GSG1L: variants seen among roughly 807,000 people sequenced by gnomAD.
GSG1L encodes the protein GSG1 like.
In GSG1L, 24 loss-of-function variants were observed where a neutral mutation model predicts 42.1. The ratio of observed to expected loss-of-function variants is 0.57; its 90% CI spans 0.41 to 0.80. The LOEUF is 0.80. GSG1L is among the 30% of genes least tolerant of loss of function. The pLI, the probability that GSG1L is intolerant of heterozygous loss-of-function variation, is 0.00. For synonymous variants in GSG1L, 215 were observed against 203.5 expected (o/e 1.06, Z -0.48); for missense variants, 445 against 472.2 (o/e 0.94, Z 0.53).
intron 6 of GSG1L, among the ~76,000 whole-genome samples, chr16:27,801,311 G>A (rs1257903082): frequency 1.3e-5 from 2 of 152,156 alleles, no homozygotes; most frequent in Admixed American, 1.3e-4. Flanking sequence ...AAGCTGATTT[G>A]CCTTACAGCA....
intron 2 of GSG1L, among the ~76,000 whole-genome samples, chr16:27,946,498 C>T (rs76633685): frequency 6.7e-6 from 1 of 148,862 alleles, no homozygotes; most frequent in African/African-American, 2.5e-5. Context: ...TGAGCCGAAA[C>T]TGTGCCATTG....
intron 1 of GSG1L, among the ~76,000 whole-genome samples, chr16:27,989,216 C>T (rs1200085097): frequency 1.3e-5 from 2 of 152,092 alleles, no homozygotes; most frequent in Non-Finnish European, 2.9e-5. Context: ...TTTGAGTTAT[C>T]ACTTTGGCTA....
At chr16:27,886,075 G>A (rs1209516505) in intron 2 of GSG1L, among the ~76,000 whole-genome samples, 1 of 152,172 alleles carries the variant, frequency 6.6e-6, no homozygotes, top group African/African-American at 2.4e-5. Flanking sequence ...CAGTCAGAGT[G>A]CCATGTCCCT....
chr16:27,846,988 CTA>C (rs1406644776), intron 3 of GSG1L, among the ~76,000 whole-genome samples: 1 of 151,706 alleles, frequency 6.6e-6, no homozygotes, highest in African/African-American at 2.4e-5. Context: ...TGAACCTTGC[CTA>C]TGTTTTCAAA....
chr16:27,883,544 C>T (rs2083988172), intron 3 of GSG1L, among the ~76,000 whole-genome samples: 1 of 152,190 alleles, frequency 6.6e-6, no homozygotes, highest in Non-Finnish European at 1.5e-5. Context: ...GTACATACCT[C>T]AATTAGGAGA....
intron 1 of GSG1L, among the ~76,000 whole-genome samples, chr16:27,987,171 C>T (rs1460700860): frequency 2.0e-5 from 3 of 149,290 alleles, no homozygotes; most frequent in South Asian, 2.1e-4. Flanking sequence ...GACCCAAGAT[C>T]GCACCACTGC....
intron 6 of GSG1L, among the ~76,000 whole-genome samples, chr16:27,795,103 G>A (rs2082803529): frequency 6.6e-6 from 1 of 152,036 alleles, no homozygotes; most frequent in South Asian, 2.1e-4. Flanking sequence ...TTATGAGCAG[G>A]GCCAGGGTCT....
chr16:27,870,365 G>A lies in GSG1L; in HGVS notation c.550+14121C>T, dbSNP rs147338180. On this transcript the variant is annotated intron_variant, in intron 3 of 6. Coordinates refer to ENST00000447459, the MANE Select transcript of GSG1L (RefSeq NM_001109763.2). ...GTCTCTCCTTCTGTCTCTCTGTCTC[G>A]TCCATCACTCTCTCTTTCTCTCTCT... Among the ~76,000 whole-genome samples the A allele has an allele frequency of 6.3e-4, 75 of 119,958 alleles. 3 individuals carry two copies. Among genetic ancestry groups the A allele is most frequent in the African/African-American group, 2.1e-3 (63 of 29,606 alleles). The allele number at this position is 119,958 out of a possible 152,430, so 78.7% of individuals were successfully genotyped here. A position where few individuals can be genotyped will look rare whatever the true frequency, so the allele number is the denominator to read the frequency against.
At chr16:27,872,172 A>C (rs1234248923) in intron 3 of GSG1L, among the ~76,000 whole-genome samples, 1 of 152,140 alleles carries the variant, frequency 6.6e-6, no homozygotes, top group Non-Finnish European at 1.5e-5. Context: ...GCACTCATTT[A>C]AGTCACCTCC....
At chr16:28,033,831 A>C (rs780537257) in intron 1 of GSG1L, among the ~76,000 whole-genome samples, 4 of 152,248 alleles carry the variant, frequency 2.6e-5, no homozygotes, top group Admixed American at 6.5e-5. Context: ...TATGGGGATA[A>C]TTAATGAAAA....
At chr16:27,794,615 G>A (rs2082797368) in intron 6 of GSG1L, among the ~76,000 whole-genome samples, 1 of 152,198 alleles carries the variant, frequency 6.6e-6, no homozygotes, top group Non-Finnish European at 1.5e-5. Flanking sequence ...ACAGGCTTGA[G>A]CCACCGCGCC....
In GSG1L at chr16:27,872,868, A is replaced by G. The variant is rs375295487; in HGVS notation, c.550+11618T>C. ...TGGGAATTGCCCACCCCTTTCCCAG[A>G]AAACTCATGAATAATCCTCCCCTTG... is the stretch of plus-strand genomic sequence containing the variant. On this transcript the variant is annotated intron_variant, in intron 3 of 6. Transcript: ENST00000447459. 7.9e-5 allele frequency among the ~76,000 whole-genome samples: 12 copies of G among 152,218 alleles called. 1 individual carries two copies. Among genetic ancestry groups the G allele is most frequent in the Admixed American group, 6.5e-4 (10 of 15,282 alleles).
chr16:27,943,647 T>G (rs2084828598), intron 2 of GSG1L, among the ~76,000 whole-genome samples: 1 of 127,854 alleles, frequency 7.8e-6, no homozygotes, highest in Admixed American at 1.0e-4. Flanking sequence ...CAATCTCGAC[T>G]CACTGCAACC....
chr16:27,857,566 A>G (rs1395452894), intron 3 of GSG1L, among the ~76,000 whole-genome samples: 1 of 152,030 alleles, frequency 6.6e-6, no homozygotes, highest in Non-Finnish European at 1.5e-5. Context: ...ACATAGGGAA[A>G]CCCCATCTCT....
chr16:27,860,562 T>C (rs990801768), intron 3 of GSG1L, among the ~76,000 whole-genome samples: 1 of 152,220 alleles, frequency 6.6e-6, no homozygotes. Context: ...CGAACTCACA[T>C]TGTCTCAGAA....
At chr16:27,871,669 G>C (rs1019484316) in intron 3 of GSG1L, among the ~76,000 whole-genome samples, 1 of 152,000 alleles carries the variant, frequency 6.6e-6, no homozygotes, top group African/African-American at 2.4e-5. Context: ...AGAAAATGTG[G>C]TCAATCCATA....
chr16:27,951,476 T>G (rs760981072), intron 2 of GSG1L, among the ~76,000 whole-genome samples: 1 of 151,910 alleles, frequency 6.6e-6, no homozygotes, highest in Admixed American at 6.6e-5. Flanking sequence ...GAGCATCGAG[T>G]GAGAGTAATT....
chr16:28,027,763 T>C (rs1042838325), intron 1 of GSG1L, among the ~76,000 whole-genome samples: 2 of 152,066 alleles, frequency 1.3e-5, no homozygotes, highest in African/African-American at 4.8e-5. Flanking sequence ...GGCTCAAGTC[T>C]GAATCCCAGC....
At chr16:28,045,555 G>A (rs182293175) in intron 1 of GSG1L, among the ~76,000 whole-genome samples, 38 of 151,778 alleles carry the variant, frequency 2.5e-4, no homozygotes, top group Admixed American at 2.5e-3. Flanking sequence ...CGCTTCTGTA[G>A]TCTCAGCTAC....
Sources: allele counts gnomAD v4.1 joint callset (sites outside exome capture counted in the v4.1 genomes callset), GRCh38; gene constraint gnomAD v4.1.1; transcripts MANE v1.5; gene names NCBI Gene and HGNC (gene_info 2026-07-23, HGNC 2026-07-21).